SHROOM3: variants seen among roughly 807,000 people sequenced by gnomAD.
SHROOM3 encodes the protein protein Shroom3.
SHROOM3 carries 47 observed loss-of-function variants against 138.6 expected under a neutral mutation model. The ratio of observed to expected loss-of-function variants is 0.34; its 90% CI spans 0.27 to 0.43. The LOEUF is 0.43. Ranked by LOEUF, SHROOM3 falls within the 20% of genes least tolerant of loss-of-function variation. The pLI, the probability that SHROOM3 is intolerant of heterozygous loss-of-function variation, is 1.00. For synonymous variants in SHROOM3, 1,062 were observed against 1,063.3 expected (o/e 1.00, Z 0.02); for missense variants, 2,491 against 2,596.5 (o/e 0.96, Z 0.88).
intron 2 of SHROOM3, among the ~76,000 whole-genome samples, chr4:76,646,225 A>AATAAATAAATAAATAAATATATATAT (rs61374645): frequency 2.1e-5 from 2 of 96,246 alleles, no homozygotes; most frequent in Non-Finnish European, 4.0e-5. Context: ...ATAATAAATA[A>AATAAATAAATAAATAAATATATATAT]ATATATATAT....
At chr4:76,531,772 T>C (rs1474438540) in intron 1 of SHROOM3, among the ~76,000 whole-genome samples, 1 of 152,126 alleles carries the variant, frequency 6.6e-6, no homozygotes, top group Non-Finnish European at 1.5e-5. Flanking sequence ...TTCCAAACTA[T>C]TGCACAAAGA....
intron 2 of SHROOM3, among the ~76,000 whole-genome samples, chr4:76,641,522 G>T (rs1735668363): frequency 6.6e-6 from 1 of 152,172 alleles, no homozygotes; most frequent in Non-Finnish European, 1.5e-5. Flanking sequence ...AGGAAGAAGG[G>T]CACACCCTAG....
At chr4:76,520,310 G>A (rs1020680555) in intron 1 of SHROOM3, among the ~76,000 whole-genome samples, 4 of 152,094 alleles carry the variant, frequency 2.6e-5, no homozygotes, top group Non-Finnish European at 5.9e-5. Flanking sequence ...AAGTCTCTCT[G>A]TTATCTTCCC....
chr4:76,587,574 T>A (rs72661420), intron 2 of SHROOM3, among the ~76,000 whole-genome samples: 1 of 152,162 alleles, frequency 6.6e-6, no homozygotes, highest in Non-Finnish European at 1.5e-5. Context: ...TTTCTTCCAA[T>A]GATTACAGCC....
chr4:76,611,865 A>G (rs1560564623), intron 2 of SHROOM3, among the ~76,000 whole-genome samples: 1 of 152,192 alleles, frequency 6.6e-6, no homozygotes, highest in Non-Finnish European at 1.5e-5. Context: ...AAGGATTATC[A>G]TCTTCACCCA....
At chr4:76,441,822 A>G (rs1730697544) in intron 1 of SHROOM3, among the ~76,000 whole-genome samples, 1 of 152,138 alleles carries the variant, frequency 6.6e-6, no homozygotes, top group Admixed American at 6.5e-5. Context: ...TCCTGGGTTC[A>G]AGCGATTCTC....
chr4:76,472,260 T>G (rs1327131981), intron 1 of SHROOM3, among the ~76,000 whole-genome samples: 1 of 152,226 alleles, frequency 6.6e-6, no homozygotes, highest in African/African-American at 2.4e-5. Context: ...GTGCAATAAT[T>G]TAAATCTCTT....
At chr4:76,617,977 G>A (rs555331287) in intron 2 of SHROOM3, among the ~76,000 whole-genome samples, 1 of 152,288 alleles carries the variant, frequency 6.6e-6, no homozygotes, top group African/African-American at 2.4e-5. Context: ...GAAACAAGAT[G>A]CTGGCAAGCA....
chr4:76,676,740 G>A (rs1719036732), intron 2 of SHROOM3, among the ~76,000 whole-genome samples: 1 of 151,934 alleles, frequency 6.6e-6, no homozygotes, highest in African/African-American at 2.4e-5. Flanking sequence ...CTTGGAGAGC[G>A]AGACCATCCT....
intron 2 of SHROOM3, among the ~76,000 whole-genome samples, chr4:76,667,164 G>A (rs558393749): frequency 3.9e-5 from 6 of 152,296 alleles, no homozygotes; most frequent in African/African-American, 1.4e-4. Context: ...CTGAGTACAA[G>A]AGTAAAAGAG....
chr4:76,673,004 GT>G lies in SHROOM3; in HGVS notation c.324-37149del, dbSNP rs142361872. Among the ~76,000 whole-genome samples, 135 of 152,308 alleles carry G rather than the reference GT, an allele frequency of 8.9e-4. 3 individuals carry two copies. The East Asian group carries it at 0.022, about 25-fold the overall frequency. On this transcript the variant is annotated intron_variant, in intron 2 of 10. Transcript: ENST00000296043. Reference sequence around the variant, plus strand: ...AGCATACATCAAAACAACATTTGCTGTTTGTCGCTTTGATCAAGAAACACCC... The same window carrying G: ...AGCATACATCAAAACAACATTTGCTGTTGTCGCTTTGATCAAGAAACACCC...
At chr4:76,738,638 T>C (rs2110133038) in intron 4 of SHROOM3, 123 bp from the exon 5 acceptor site, 2 of 1,194,280 alleles carry the variant, frequency 1.7e-6, no homozygotes, top group South Asian at 1.3e-5. Flanking sequence ...ATGGCCCTTT[T>C]TACCCACCCT....
intron 1 of SHROOM3, among the ~76,000 whole-genome samples, chr4:76,473,197 T>C (rs1325402517): frequency 2.6e-5 from 4 of 152,214 alleles, no homozygotes. Flanking sequence ...AGACTTGTGC[T>C]TCAAAGGATA....
chr4:76,759,485 A>G, intron 8 of SHROOM3, 60 bp from the exon 9 acceptor site: 8 of 1,605,092 alleles, frequency 5.0e-6, no homozygotes, highest in Non-Finnish European at 6.8e-6. Context: ...TGACATCTGC[A>G]GTGAAACAAA....
intron 1 of SHROOM3, among the ~76,000 whole-genome samples, chr4:76,443,193 AT>A (rs1730733190): frequency 6.6e-6 from 1 of 152,208 alleles, no homozygotes; most frequent in African/African-American, 2.4e-5. Flanking sequence ...GTACAAATTA[AT>A]TTTGATATTT....
Position 76,730,904 on chromosome 4 carries a change from G to C in SHROOM3, c.556G>C (p.Gly186Arg), listed in dbSNP as rs145112769. Residue 186 changes from glycine (G) to arginine (R), a missense_variant, in exon 4 of 11, where the codon GGC becomes CGC. Coordinates refer to ENST00000296043, the MANE Select transcript of SHROOM3 (RefSeq NM_020859.4). Reference sequence around the variant, plus strand: ...GATGCAGATATCTCAGGGTATGATCGGCCCTCCTTGGCACCAAAGCTACCA... The same window carrying C: ...GATGCAGATATCTCAGGGTATGATCCGCCCTCCTTGGCACCAAAGCTACCA... ...SMMQISQGMI[G>R]PPWHQSYHSS... 4,812 of 1,614,090 alleles carry C rather than the reference G, an allele frequency of 3.0e-3. 160 individuals are homozygous for C. The South Asian group carries it at 0.05, about 17-fold the overall frequency.
At chr4:76,499,694 C>T (rs1463669453) in intron 1 of SHROOM3, among the ~76,000 whole-genome samples, 1 of 152,116 alleles carries the variant, frequency 6.6e-6, no homozygotes, top group Non-Finnish European at 1.5e-5. Context: ...ACATGGGTCT[C>T]TGGGTGCACA....
chr4:76,750,281 G>A (rs1005209326), intron 6 of SHROOM3, among the ~76,000 whole-genome samples: 2 of 152,046 alleles, frequency 1.3e-5, no homozygotes, highest in African/African-American at 4.8e-5. Context: ...AATCAAAGAC[G>A]GGACGAAACA....
At chr4:76,677,663 T>C (rs1719078686) in intron 2 of SHROOM3, among the ~76,000 whole-genome samples, 1 of 152,208 alleles carries the variant, frequency 6.6e-6, no homozygotes, top group African/African-American at 2.4e-5. Context: ...TAGAATCTGC[T>C]CAGGACTCTG....
Sources: allele counts gnomAD v4.1 joint callset (sites outside exome capture counted in the v4.1 genomes callset), GRCh38; gene constraint gnomAD v4.1.1; transcripts MANE v1.5; gene names NCBI Gene and HGNC (gene_info 2026-07-23, HGNC 2026-07-21).